Variants in DPP10 observed in about 807,000 individuals in gnomAD.
DPP10 encodes inactive dipeptidyl peptidase 10.
DPP10 carries 33 observed loss-of-function variants against 120.9 expected under a neutral mutation model. That is an observed-to-expected ratio of 0.27 (90% confidence interval 0.21 to 0.37). The LOEUF is 0.37. Ranked by LOEUF, DPP10 falls within the 10% of genes least tolerant of loss-of-function variation. DPP10 has a pLI of 1.00. For missense variants in DPP10, 816 were observed against 942.8 expected (o/e 0.87, Z 1.76); for synonymous variants, 337 against 326.1 (o/e 1.03, Z -0.36).
At chr2:115,840,377 G>T (rs1410149175) in intron 24 of DPP10, among the ~76,000 whole-genome samples, 1 of 122,068 alleles carries the variant, frequency 8.2e-6, no homozygotes, top group Non-Finnish European at 1.6e-5. Flanking sequence ...AGGCTGGACT[G>T]TAGTGGCACG....
At chr2:115,265,215 A>T (rs188509937) in intron 1 of DPP10, among the ~76,000 whole-genome samples, 1 of 151,588 alleles carries the variant, frequency 6.6e-6, no homozygotes, top group Non-Finnish European at 1.5e-5. Context: ...CCCATTCAAT[A>T]TGTACACATC....
chr2:115,000,891 T>A (rs768095577), intron 1 of DPP10, among the ~76,000 whole-genome samples: 4 of 140,384 alleles, frequency 2.8e-5, no homozygotes, highest in Non-Finnish European at 6.3e-5. Context: ...AGTGAAATCA[T>A]TGTGATTATA....
intron 1 of DPP10, among the ~76,000 whole-genome samples, chr2:115,212,152 T>C (rs560117476): frequency 6.6e-6 from 1 of 152,272 alleles, no homozygotes; most frequent in East Asian, 1.9e-4. Context: ...CTGTGTTACC[T>C]TTAAACTAAA....
At chr2:115,695,589 C>T (rs1485748327) in intron 7 of DPP10, among the ~76,000 whole-genome samples, 1 of 152,116 alleles carries the variant, frequency 6.6e-6, no homozygotes, top group East Asian at 1.9e-4. Flanking sequence ...TGAGAAAAAC[C>T]TGCCCCCATG....
intron 3 of DPP10, among the ~76,000 whole-genome samples, chr2:115,435,130 G>C (rs1323486002): frequency 1.3e-5 from 2 of 151,128 alleles, no homozygotes; most frequent in South Asian, 4.2e-4. Context: ...ATTGTGTATA[G>C]TGCTGTAATA....
intron 7 of DPP10, among the ~76,000 whole-genome samples, chr2:115,716,935 C>G (rs2092514434): frequency 6.6e-6 from 1 of 152,214 alleles, no homozygotes; most frequent in African/African-American, 2.4e-5. Flanking sequence ...AGAATTTCTT[C>G]TAGTGTCCCT....
intron 1 of DPP10, among the ~76,000 whole-genome samples, chr2:114,787,855 T>A (rs554312560): frequency 9.2e-5 from 14 of 152,356 alleles, no homozygotes; most frequent in African/African-American, 3.4e-4. Context: ...ATCCTCAAAT[T>A]ATCTAAATTC....
chr2:114,896,451 G>C (rs540478361), intron 1 of DPP10, among the ~76,000 whole-genome samples: 31 of 151,800 alleles, frequency 2.0e-4, no homozygotes, highest in African/African-American at 7.0e-4. Flanking sequence ...GGTCCTTCAC[G>C]TCCCTTGTAA....
Position 114,663,666 on chromosome 2 carries a change from T to TAGAGAGAGAG in DPP10, c.60+220829_60+220830insGAGAGAGAGA, listed in dbSNP as rs1264946349. ...ATATATATATATATATATATATATATATAGAGAGAGAGAGAGAGAGAGAGA... is the reference window on the plus strand; with the variant it reads ...ATATATATATATATATATATATATATAGAGAGAGAGATAGAGAGAGAGAGAGAGAGAGAGA... On this transcript the variant is annotated intron_variant, in intron 1 of 25. Transcript: ENST00000410059. Among the ~76,000 whole-genome samples, 297 of 92,558 alleles carry TAGAGAGAGAG rather than the reference T, an allele frequency of 3.2e-3. 1 individual carries two copies. The highest frequency in any genetic ancestry group is 6.7e-3 in the African/African-American group (100 of 14,932). The allele number at this position is 92,558 out of a possible 152,430, so 60.7% of individuals were successfully genotyped here.
At chr2:114,856,865 T>C (rs568555263) in intron 1 of DPP10, among the ~76,000 whole-genome samples, 1 of 152,174 alleles carries the variant, frequency 6.6e-6, no homozygotes, top group East Asian at 1.9e-4. Flanking sequence ...AGTTCAAAAC[T>C]CAGTGGACAA....
At chr2:115,257,793 T>C (rs576975802) in intron 1 of DPP10, among the ~76,000 whole-genome samples, 4 of 152,332 alleles carry the variant, frequency 2.6e-5, no homozygotes, top group Admixed American at 6.5e-5. Flanking sequence ...AACATAGGTA[T>C]ATGCCTTGAT....
intron 1 of DPP10, among the ~76,000 whole-genome samples, chr2:115,171,887 T>TGCC (rs2053369945): frequency 6.6e-6 from 1 of 152,184 alleles, no homozygotes; most frequent in Non-Finnish European, 1.5e-5. Flanking sequence ...GCATCTTCTG[T>TGCC]ACTTTGCCAT....
At chr2:114,919,842 A>G (rs1695070681) in intron 1 of DPP10, among the ~76,000 whole-genome samples, 1 of 152,170 alleles carries the variant, frequency 6.6e-6, no homozygotes, top group Non-Finnish European at 1.5e-5. Flanking sequence ...ATCCCCAGTC[A>G]CATTTTCAGT....
At chr2:115,003,842 A>G (rs1032425502) in intron 1 of DPP10, among the ~76,000 whole-genome samples, 1 of 152,130 alleles carries the variant, frequency 6.6e-6, no homozygotes, top group African/African-American at 2.4e-5. Context: ...TTCCAGTACT[A>G]TAACAGTATA....
intron 3 of DPP10, among the ~76,000 whole-genome samples, chr2:115,380,370 G>C (rs2066215743): frequency 6.6e-6 from 1 of 152,026 alleles, no homozygotes; most frequent in African/African-American, 2.4e-5. Context: ...GACTAGGATT[G>C]CAGCCCCTGC....
At chr2:114,965,719 C>T (rs1302283205) in intron 1 of DPP10, among the ~76,000 whole-genome samples, 2 of 151,766 alleles carry the variant, frequency 1.3e-5, no homozygotes, top group Non-Finnish European at 2.9e-5. Context: ...TGGCTCACGC[C>T]TGTAATCCCA....
intron 1 of DPP10, among the ~76,000 whole-genome samples, chr2:115,097,019 C>T (rs2048432858): frequency 6.6e-6 from 1 of 152,116 alleles, no homozygotes; most frequent in Non-Finnish European, 1.5e-5. Flanking sequence ...AGCAGAATGA[C>T]TGCCTAATGT....
At chr2:115,652,382 C>T (rs768282902) in intron 5 of DPP10, among the ~76,000 whole-genome samples, 12 of 147,982 alleles carry the variant, frequency 8.1e-5, no homozygotes, top group Non-Finnish European at 1.5e-4. Context: ...CTGGATTCTC[C>T]AGAGAAAGAA....
At chr2:114,590,588 A>G (rs941043393) in intron 1 of DPP10, among the ~76,000 whole-genome samples, 1 of 152,318 alleles carries the variant, frequency 6.6e-6, no homozygotes, top group East Asian at 1.9e-4. Flanking sequence ...CTGCTTTGTA[A>G]TGTTTGTCAG....
Sources: gnomAD v4.1 joint callset for allele counts (sites outside exome capture counted in the v4.1 genomes callset) on GRCh38, gnomAD v4.1.1 for gene constraint, MANE v1.5 for transcripts, NCBI Gene and HGNC (gene_info 2026-07-23, HGNC 2026-07-21) for gene names.